Variants in VPS50 observed in about 807,000 individuals in gnomAD.
The protein encoded by VPS50 is syndetin.
A neutral mutation model predicts 139.7 loss-of-function variants in VPS50; 70 were observed. That is an observed-to-expected ratio of 0.50 (90% CI 0.41 to 0.61). The LOEUF is 0.61. Among genes scored for constraint, VPS50 ranks in the 20% least tolerant of loss-of-function variants. The probability of loss-of-function intolerance (pLI) is 0.00; values close to 1 mark genes in which losing one functional copy is unlikely to be tolerated. For synonymous variants in VPS50, 365 were observed against 376.7 expected (o/e 0.97, Z 0.36); for missense variants, 921 against 1,133.7 (o/e 0.81, Z 2.69).
intron 2 of VPS50, among the ~76,000 whole-genome samples, chr7:93,250,544 C>G (rs1269793900): frequency 6.6e-6 from 1 of 151,968 alleles, no homozygotes; most frequent in Non-Finnish European, 1.5e-5. Flanking sequence ...AAAGTTAACC[C>G]AAGATGGATT....
At chr7:93,313,065 C>G (rs1442202594) in intron 20 of VPS50, among the ~76,000 whole-genome samples, 1 of 152,196 alleles carries the variant, frequency 6.6e-6, no homozygotes, top group African/African-American at 2.4e-5. Flanking sequence ...CTCCGTGTGT[C>G]TCTTCATTCT....
intron 6 of VPS50, chr7:93,257,894 C>T (rs187420147): frequency 2.4e-4 from 72 of 299,082 alleles, no homozygotes; most frequent in Non-Finnish European, 3.8e-4. Context: ...AGTTTTTGCA[C>T]TGTGTTTTTA....
At position 93,277,158 on chromosome 7, in the gene VPS50, G is replaced by A. The variant is rs59169722; in HGVS notation, c.942+853G>A. Among the ~76,000 whole-genome samples, 1,197 of 152,262 alleles carry A rather than the reference G, an allele frequency of 7.9e-3. 13 individuals are homozygous for A. The highest frequency in any genetic ancestry group is 0.027 in the African/African-American group (1,104 of 41,558). ...TAGATAGAGGAATGAGACTAGTAGA[G>A]TCTTAGAGCAACTAGCTGGGTAGGA... On this transcript the variant is annotated intron_variant, in intron 12 of 27. Transcript: ENST00000305866.
At chr7:93,284,879 A>G (rs1796437964) in intron 12 of VPS50, among the ~76,000 whole-genome samples, 1 of 152,182 alleles carries the variant, frequency 6.6e-6, no homozygotes, top group African/African-American at 2.4e-5. Flanking sequence ...CTGGTTTCCA[A>G]TGGCTGGAAA....
At chr7:93,274,913 A>G (rs1204712539) in intron 11 of VPS50, among the ~76,000 whole-genome samples, 2 of 152,184 alleles carry the variant, frequency 1.3e-5, no homozygotes, top group African/African-American at 4.8e-5. Context: ...TTTGTGATTC[A>G]TGAGAGGAGG....
intron 12 of VPS50, among the ~76,000 whole-genome samples, chr7:93,286,007 C>CT (rs368515043): frequency 1.3e-5 from 2 of 151,592 alleles, no homozygotes; most frequent in Non-Finnish European, 2.9e-5. Flanking sequence ...TTAAAATTTC[C>CT]TTTTTTTTCT....
intron 21 of VPS50, among the ~76,000 whole-genome samples, chr7:93,328,437 T>C (rs1295180234): frequency 8.5e-5 from 13 of 152,184 alleles, no homozygotes; most frequent in Admixed American, 8.5e-4. Flanking sequence ...AATAGGTATC[T>C]ATATATTTAA....
intron 21 of VPS50, among the ~76,000 whole-genome samples, chr7:93,326,257 T>C (rs1446858613): frequency 8.2e-6 from 1 of 121,304 alleles, no homozygotes; most frequent in East Asian, 2.4e-4. Flanking sequence ...TGAGAACACA[T>C]GGACACAGGA....
intron 12 of VPS50, among the ~76,000 whole-genome samples, chr7:93,278,243 T>G (rs1271556768): frequency 6.6e-6 from 1 of 152,146 alleles, no homozygotes; most frequent in Non-Finnish European, 1.5e-5. Context: ...CAAATTTTTA[T>G]GAACAAAAAT....
chr7:93,286,521 A>G (rs1584429040), intron 12 of VPS50, among the ~76,000 whole-genome samples: 1 of 152,304 alleles, frequency 6.6e-6, no homozygotes, highest in East Asian at 1.9e-4. Context: ...TATCTAAGGC[A>G]TGCGACTGTA....
rs1486490453 is a variant in VPS50 at position 93,252,682 on chromosome 7, A to C, written c.132A>C (p.Pro44=). Residue 44 remains proline (P), a synonymous_variant, in exon 3 of 28, where the codon CCA becomes CCC. Coordinates refer to ENST00000305866, the MANE Select transcript of VPS50 (RefSeq NM_017667.4). ...KEEFRELREQ[P]SDPQAEQELI... ...AATTCAGGGAACTTCGAGAACAGCCAAGTGACCCTCAAGCTGAACAAGAGC... is the reference window on the plus strand; with the variant it reads ...AATTCAGGGAACTTCGAGAACAGCCCAGTGACCCTCAAGCTGAACAAGAGC... The C allele has an allele frequency of 6.2e-7, 1 of 1,603,638 alleles. No individual in the cohort carries two copies. Among genetic ancestry groups the C allele is most frequent in the Non-Finnish European group, 8.5e-7 (1 of 1,172,920 alleles).
intron 12 of VPS50, among the ~76,000 whole-genome samples, chr7:93,285,200 TG>T (rs1296325624): frequency 1.3e-5 from 2 of 152,256 alleles, no homozygotes; most frequent in African/African-American, 4.8e-5. Flanking sequence ...GTGTGTGTTT[TG>T]GGGGGTGGAG....
intron 25 of VPS50, 39 bp downstream of exon 25, chr7:93,350,072 T>A: frequency 6.8e-7 from 1 of 1,467,994 alleles, no homozygotes; most frequent in Non-Finnish European, 9.4e-7. Flanking sequence ...AAGATCAATC[T>A]ACTAAGAGAA....
At position 93,355,943 on chromosome 7, in the gene VPS50, G is replaced by A; in HGVS notation, c.2638G>A (p.Asp880Asn). 1 of 1,604,436 alleles carries A rather than the reference G, an allele frequency of 6.2e-7. No individual in the cohort carries two copies. The highest frequency in any genetic ancestry group is 8.5e-7 in the Non-Finnish European group (1 of 1,172,868). ...SNEGRALMQL[D>N]FQQFLMKLEK... ...TGAGGGTCGTGCCCTGATGCAATTG[G>A]ATTTTCAACAGTTTTTAATGAAACT... Residue 880 changes from aspartate (D) to asparagine (N), a missense_variant, in exon 27 of 28, where the codon GAT (aspartate) becomes AAT (asparagine). This residue lies in a region of VPS50 where 158 missense variants were observed against 156.3 expected (regional missense o/e 1.01). Coordinates refer to ENST00000305866, the MANE Select transcript of VPS50 (RefSeq NM_017667.4).
intron 22 of VPS50, among the ~76,000 whole-genome samples, chr7:93,340,427 C>T (rs1190523269): frequency 6.6e-6 from 1 of 152,144 alleles, no homozygotes; most frequent in Non-Finnish European, 1.5e-5. Flanking sequence ...ATATTCCCAT[C>T]CTCCTGGCAA....
intron 21 of VPS50, among the ~76,000 whole-genome samples, chr7:93,329,596 G>C (rs1310100845): frequency 3.3e-5 from 5 of 151,894 alleles, no homozygotes; most frequent in Non-Finnish European, 5.9e-5. Context: ...GCAAGAAGAG[G>C]AAGCATAAAG....
chr7:93,241,116 A>C (rs1187359453), intron 2 of VPS50, among the ~76,000 whole-genome samples: 1 of 152,160 alleles, frequency 6.6e-6, no homozygotes. Context: ...ACCTTGAATT[A>C]GATTGTATTA....
Position 93,360,624 on chromosome 7 carries a change from G to A in VPS50, c.*2188G>A, listed in dbSNP as rs1049075206. ...CAATTGAAAAGCTGAGAATGTAAAT[G>A]GAATTATACGTGTTCCAAAAACTAT... On this transcript the variant is annotated 3_prime_UTR_variant, in exon 28 of 28. Transcript: ENST00000305866. 1 of 151,774 alleles carries A rather than the reference G, an allele frequency of 6.6e-6. No individual in the cohort carries two copies. The highest frequency in any genetic ancestry group is 1.9e-4 in the East Asian group (1 of 5,146). 9.4% of individuals were successfully genotyped at this position (151,774 alleles called of 1,614,324 possible).
chr7:93,243,108 G>A (rs1216293413), intron 2 of VPS50, among the ~76,000 whole-genome samples: 1 of 151,942 alleles, frequency 6.6e-6, no homozygotes, highest in Non-Finnish European at 1.5e-5. Context: ...CCGATTTTAA[G>A]AGCAGATGCA....
Sources: allele counts gnomAD v4.1 joint callset (sites outside exome capture counted in the v4.1 genomes callset), GRCh38; gene constraint gnomAD v4.1.1; regional missense constraint gnomAD v4.1.1; transcripts MANE v1.5; gene names NCBI Gene and HGNC (gene_info 2026-07-23, HGNC 2026-07-21).